Variants in EXTL3 observed in about 807,000 individuals in gnomAD.
EXTL3 encodes exostosin like glycosyltransferase 3.
A neutral mutation model predicts 69.3 loss-of-function variants in EXTL3; 27 were observed. The ratio of observed to expected loss-of-function variants is 0.39; its 90% CI spans 0.29 to 0.54. EXTL3 has a LOEUF of 0.54. Ranked by LOEUF, EXTL3 falls within the 20% of genes least tolerant of loss-of-function variation. The pLI is 0.69. For missense variants in EXTL3, 1,003 were observed against 1,231.8 expected (o/e 0.81, Z 2.78); for synonymous variants, 511 against 499.4 (o/e 1.02, Z -0.31).
chr8:28,644,627 A>T (rs935477868), intron 1 of EXTL3, among the ~76,000 whole-genome samples: 1 of 152,150 alleles, frequency 6.6e-6, no homozygotes, highest in Non-Finnish European at 1.5e-5. Context: ...TAAGCCCAGG[A>T]GTGCAAGGCT....
At chr8:28,748,979 C>T (rs575400004) in intron 6 of EXTL3, among the ~76,000 whole-genome samples, 3 of 152,074 alleles carry the variant, frequency 2.0e-5, no homozygotes, top group Non-Finnish European at 4.4e-5. Flanking sequence ...GTCGTCGATA[C>T]CCTTGGACTG....
chr8:28,633,005 G>A (rs1479946174), intron 1 of EXTL3, among the ~76,000 whole-genome samples: 1 of 152,122 alleles, frequency 6.6e-6, no homozygotes, highest in Non-Finnish European at 1.5e-5. Flanking sequence ...TAGTCCATGA[G>A]CTAAGAATGG....
chr8:28,637,778 G>A (rs193074691), intron 1 of EXTL3, among the ~76,000 whole-genome samples: 7 of 152,040 alleles, frequency 4.6e-5, no homozygotes, highest in Admixed American at 2.6e-4. Context: ...ATCAAAATCC[G>A]TCTTCCTCCA....
intron 2 of EXTL3, among the ~76,000 whole-genome samples, chr8:28,610,783 G>A (rs1477467730): frequency 3.3e-5 from 5 of 149,434 alleles, no homozygotes; most frequent in Middle Eastern, 3.2e-3. Flanking sequence ...CTGTCTTTTA[G>A]GATGAAGTGC....
chr8:28,700,011 C>T (rs1800753126), upstream of EXTL3: 1 of 151,400 alleles, frequency 6.6e-6, no homozygotes. Context: ...CTGCTGTGGC[C>T]GCGTACCTTT....
chr8:28,635,846 G>T (rs938651313), intron 1 of EXTL3, among the ~76,000 whole-genome samples: 13 of 152,242 alleles, frequency 8.5e-5, no homozygotes, highest in African/African-American at 3.1e-4. Flanking sequence ...AGACAATATT[G>T]TCCAACAACT....
intron 3 of EXTL3, among the ~76,000 whole-genome samples, chr8:28,723,301 TTC>T (rs1801337676): frequency 6.6e-6 from 1 of 152,208 alleles, no homozygotes; most frequent in Non-Finnish European, 1.5e-5. Flanking sequence ...TGGTTCGTCT[TTC>T]TCTTTGACAA....
At chr8:28,659,101 T>C (rs74582027) in intron 1 of EXTL3, among the ~76,000 whole-genome samples, 412 of 152,380 alleles carry the variant, frequency 2.7e-3, no homozygotes, top group Non-Finnish European at 3.6e-3. Context: ...TACTCATTTG[T>C]AATTCTGATC....
At chr8:28,724,625 G>GAAGA in intron 3 of EXTL3, among the ~76,000 whole-genome samples, 1 of 150,102 alleles carries the variant, frequency 6.7e-6, no homozygotes, top group East Asian at 1.9e-4. Flanking sequence ...AAAAGAAGAA[G>GAAGA]AAAAAAAGAA....
upstream of EXTL3, among the ~76,000 whole-genome samples, chr8:28,618,290 A>C (rs1288712266): frequency 6.6e-6 from 1 of 151,930 alleles, no homozygotes; most frequent in Non-Finnish European, 1.5e-5. Context: ...AATATGGTGA[A>C]ACCCCATCTC....
intron 1 of EXTL3, among the ~76,000 whole-genome samples, chr8:28,673,979 G>C (rs1807340194): frequency 6.6e-6 from 1 of 152,196 alleles, no homozygotes; most frequent in African/African-American, 2.4e-5. Context: ...CATAACGTGA[G>C]CTGTTTGTAG....
At chr8:28,741,290 A>G (rs1482555247) in intron 5 of EXTL3, 1 of 152,190 alleles carries the variant, frequency 6.6e-6, no homozygotes, top group Non-Finnish European at 1.5e-5. Context: ...TTTTTTTTAA[A>G]TTATTATTAA....
intron 1 of EXTL3, among the ~76,000 whole-genome samples, chr8:28,656,525 A>G (rs1400377882): frequency 1.3e-5 from 2 of 152,148 alleles, no homozygotes; most frequent in African/African-American, 2.4e-5. Flanking sequence ...TTGAGTTTCT[A>G]TAATTTATAA....
At chr8:28,736,910 C>T (rs1382856195) in intron 4 of EXTL3, among the ~76,000 whole-genome samples, 3 of 152,214 alleles carry the variant, frequency 2.0e-5, no homozygotes, top group African/African-American at 7.2e-5. Context: ...TCAGGCAGTC[C>T]TTCCACCTCA....
chr8:28,749,260 G>A (rs1801953678), intron 6 of EXTL3, among the ~76,000 whole-genome samples: 1 of 151,908 alleles, frequency 6.6e-6, no homozygotes, highest in Admixed American at 6.6e-5. Flanking sequence ...TATAAAACAA[G>A]TAGGCTTAAA....
At chr8:28,608,003 G>A (rs927442538) in intron 2 of EXTL3, among the ~76,000 whole-genome samples, 5 of 151,938 alleles carry the variant, frequency 3.3e-5, no homozygotes, top group East Asian at 3.9e-4. Context: ...CCAGCTACTC[G>A]GGAGGCTGAG....
intron 1 of EXTL3, among the ~76,000 whole-genome samples, chr8:28,687,511 G>A (rs1807596659): frequency 6.6e-6 from 1 of 152,048 alleles, no homozygotes; most frequent in African/African-American, 2.4e-5. Flanking sequence ...GAAAGAATTG[G>A]GGAAGGGAGA....
Position 28,715,806 on chromosome 8 carries a change from T to C in EXTL3, c.-254T>C. ...CATCTCAGCAAGAATGTGGCACCTT[T>C]TATCGTTTGATAAAGATTAAGGACA... On this transcript the variant is annotated 5_prime_UTR_variant, in exon 3 of 7. Coordinates refer to ENST00000220562, the MANE Select transcript of EXTL3 (RefSeq NM_001440.4). The C allele has an allele frequency of 2.0e-6, 1 of 497,804 alleles. No homozygotes were observed. The highest frequency in any genetic ancestry group is 1.9e-5 in the African/African-American group (1 of 52,324). The allele number at this position is 497,804 out of a possible 1,614,324, so 30.8% of individuals were successfully genotyped here.
intron 3 of EXTL3, among the ~76,000 whole-genome samples, chr8:28,722,821 C>T (rs1801326543): frequency 1.4e-5 from 2 of 147,540 alleles, no homozygotes; most frequent in Non-Finnish European, 3.0e-5. Flanking sequence ...TATTATTTTT[C>T]AATGCCCTTT....
Sources: gnomAD v4.1 joint callset for allele counts (sites outside exome capture counted in the v4.1 genomes callset) on GRCh38, gnomAD v4.1.1 for gene constraint, MANE v1.5 for transcripts, NCBI Gene and HGNC (gene_info 2026-07-23, HGNC 2026-07-21) for gene names.